The following COL24A1 variants were observed in gnomAD, a reference collection of about 807,000 sequenced individuals.
The protein encoded by COL24A1 is collagen alpha-1(XXIV) chain.
Under a neutral mutation model 253.9 loss-of-function variants are expected in COL24A1, and 224 were observed. The ratio of observed to expected loss-of-function variants is 0.88; its 90% CI spans 0.79 to 0.99. The LOEUF (loss-of-function observed/expected upper bound fraction) is 0.99. COL24A1 is among the 50% of genes least tolerant of loss of function. COL24A1 has a pLI of 0.00. For synonymous variants in COL24A1, 685 were observed against 673.7 expected, an observed-to-expected ratio of 1.02 and a Z score of -0.26; for missense variants, 2,131 against 2,068.5, an observed-to-expected ratio of 1.03 and a Z score of -0.59.
chr1:85,919,038 C>T (rs72954513), intron 24 of COL24A1, among the ~76,000 whole-genome samples: 1,573 of 152,058 alleles, frequency 0.01, 24 homozygotes, highest in African/African-American at 0.036. Flanking sequence ...TGATATGTAC[C>T]ACTTTTTTTT....
chr1:85,828,983 T>C (rs1674795555), intron 43 of COL24A1, among the ~76,000 whole-genome samples: 1 of 151,970 alleles, frequency 6.6e-6, no homozygotes, highest in East Asian at 1.9e-4. Flanking sequence ...TAGCTGGTTA[T>C]TTTGCTCGTT....
intron 20 of COL24A1, among the ~76,000 whole-genome samples, chr1:85,984,873 G>A (rs1571475556): frequency 6.6e-6 from 1 of 151,926 alleles, no homozygotes; most frequent in African/African-American, 2.4e-5. Context: ...GTCAAAGGCT[G>A]CTTTATCTTT....
At chr1:86,078,402 G>C (rs1172812111) in intron 7 of COL24A1, among the ~76,000 whole-genome samples, 1 of 152,078 alleles carries the variant, frequency 6.6e-6, no homozygotes, top group East Asian at 1.9e-4. Context: ...AACACGACAA[G>C]GATGCCCACT....
chr1:85,740,297 C>T (rs890981954), intron 57 of COL24A1, among the ~76,000 whole-genome samples: 1 of 152,190 alleles, frequency 6.6e-6, no homozygotes, highest in Non-Finnish European at 1.5e-5. Flanking sequence ...AGATAGTTAA[C>T]TATCTTACAC....
Position 85,816,867 on chromosome 1 carries a change from C to A in COL24A1, c.3872G>T (p.Gly1291Val), listed in dbSNP as rs999484037. The A allele has an allele frequency of 6.2e-6, 10 of 1,613,882 alleles. No individual in the cohort carries two copies. Among genetic ancestry groups the A allele is most frequent in the Middle Eastern group, 1.7e-4 (1 of 6,060 alleles). ...PGLQGLLGPK[G>V]IQGYHGADGI... ...ATCTGCTCCATGGTATCCTTGTATG[C>A]CTTTTGGCCCAAGTAGGCCTTGAAG... The change falls in exon 47 of 60, where the codon GGC becomes GTC. Residue 1291 changes from glycine to valine, a missense_variant. Physicochemically the swap from Gly to Val is moderately radical, Grantham distance 109. Transcript: ENST00000370571.
intron 7 of COL24A1, among the ~76,000 whole-genome samples, chr1:86,074,530 C>T (rs972634797): frequency 6.6e-6 from 1 of 152,102 alleles, no homozygotes; most frequent in Non-Finnish European, 1.5e-5. Flanking sequence ...ACCCCACTGT[C>T]AATATTAGAC....
At chr1:86,139,653 A>C (rs186331160) in intron 2 of COL24A1, among the ~76,000 whole-genome samples, 3 of 152,304 alleles carry the variant, frequency 2.0e-5, no homozygotes, top group Admixed American at 2.0e-4. Context: ...TAACTAAATT[A>C]ATATAACATA....
chr1:85,960,421 T>C (rs1291205956), intron 24 of COL24A1, among the ~76,000 whole-genome samples: 1 of 152,168 alleles, frequency 6.6e-6, no homozygotes, highest in Non-Finnish European at 1.5e-5. Context: ...AAATACAACA[T>C]GAAGCCTGTT....
intron 28 of COL24A1, among the ~76,000 whole-genome samples, chr1:85,905,911 C>T (rs1223070886): frequency 1.1e-4 from 17 of 152,002 alleles, no homozygotes; most frequent in Admixed American, 1.1e-3. Flanking sequence ...ATTGGTTGAA[C>T]TTTCCCATTA....
At chr1:85,777,175 C>T (rs917359107) in intron 52 of COL24A1, among the ~76,000 whole-genome samples, 3 of 151,918 alleles carry the variant, frequency 2.0e-5, no homozygotes, top group African/African-American at 4.8e-5. Context: ...ATCTCAATCT[C>T]CTGACCTCGT....
chr1:85,841,014 A>G (rs1444823771), intron 42 of COL24A1, among the ~76,000 whole-genome samples: 1 of 152,180 alleles, frequency 6.6e-6, no homozygotes. Flanking sequence ...AACCCTATAT[A>G]TTATGCTAAA....
intron 37 of COL24A1, among the ~76,000 whole-genome samples, chr1:85,861,010 T>TA (rs1355433936): frequency 6.6e-6 from 1 of 152,248 alleles, no homozygotes; most frequent in Non-Finnish European, 1.5e-5. Flanking sequence ...CTCTTGGACA[T>TA]ACGTACCTAG....
intron 24 of COL24A1, among the ~76,000 whole-genome samples, chr1:85,960,095 C>T (rs1690866108): frequency 6.6e-6 from 1 of 152,136 alleles, no homozygotes; most frequent in Admixed American, 6.5e-5. Context: ...CACAGATACT[C>T]TTCCTATTTT....
intron 6 of COL24A1, among the ~76,000 whole-genome samples, chr1:86,090,053 A>G (rs1370627800): frequency 1.3e-5 from 2 of 152,146 alleles, no homozygotes; most frequent in Non-Finnish European, 2.9e-5. Context: ...CCTGCGTGCC[A>G]GCTACACAGA....
intron 45 of COL24A1, among the ~76,000 whole-genome samples, chr1:85,820,833 T>C (rs745877523): frequency 2.0e-5 from 3 of 152,214 alleles, no homozygotes; most frequent in Non-Finnish European, 4.4e-5. Flanking sequence ...TCATTGGGAC[T>C]GTGCTGGTTC....
At chr1:85,855,125 A>C (rs1184238130) in intron 37 of COL24A1, among the ~76,000 whole-genome samples, 2 of 152,162 alleles carry the variant, frequency 1.3e-5, no homozygotes, top group Non-Finnish European at 2.9e-5. Context: ...CAGATCTAGG[A>C]GCCTTTGAAC....
At chr1:85,790,131 G>A (rs1005527621) in intron 47 of COL24A1, among the ~76,000 whole-genome samples, 1 of 152,120 alleles carries the variant, frequency 6.6e-6, no homozygotes, top group Non-Finnish European at 1.5e-5. Context: ...AATGGTACCA[G>A]CCCCTCTTGG....
At chr1:85,836,281 A>G (rs1235644274) in intron 43 of COL24A1, among the ~76,000 whole-genome samples, 1 of 152,226 alleles carries the variant, frequency 6.6e-6, no homozygotes, top group Non-Finnish European at 1.5e-5. Context: ...CCAGCCAAGA[A>G]TTCAGAAGGG....
intron 32 of COL24A1, among the ~76,000 whole-genome samples, chr1:85,885,811 TG>T (rs1222202673): frequency 1.3e-5 from 2 of 152,144 alleles, no homozygotes; most frequent in African/African-American, 2.4e-5. Flanking sequence ...AAGTATTTTT[TG>T]TATATGGGTG....
Sources: gnomAD v4.1 joint callset for allele counts (sites outside exome capture counted in the v4.1 genomes callset) on GRCh38, gnomAD v4.1.1 for gene constraint, MANE v1.5 for transcripts, NCBI Gene and HGNC (gene_info 2026-07-23, HGNC 2026-07-21) for gene names.